The following OSBP2 variants were observed in gnomAD, a reference collection of about 807,000 sequenced individuals.
The protein encoded by OSBP2 is oxysterol binding protein 2.
In OSBP2, 66 loss-of-function variants were observed where a neutral mutation model predicts 96.0. The observed-to-expected ratio is 0.69, with a 90% confidence interval of 0.56 to 0.84. OSBP2 has a LOEUF of 0.84. Ranked by LOEUF, OSBP2 falls within the 40% of genes least tolerant of loss-of-function variation. The pLI is 0.00. For synonymous variants in OSBP2, 525 were observed against 520.9 expected (o/e 1.01, Z -0.11); for missense variants, 1,038 against 1,222.7 (o/e 0.85, Z 2.25).
At chr22:30,775,772 G>T (rs1286989966) in intron 2 of OSBP2, among the ~76,000 whole-genome samples, 2 of 151,798 alleles carry the variant, frequency 1.3e-5, no homozygotes. Context: ...TATATTTATG[G>T]GTACATAAGA....
chr22:30,825,515 A>G (rs781321048), intron 2 of OSBP2, among the ~76,000 whole-genome samples: 2 of 152,122 alleles, frequency 1.3e-5, no homozygotes, highest in Non-Finnish European at 2.9e-5. Context: ...TCAAACAGAG[A>G]CTGGTGGGCA....
Position 30,887,635 on chromosome 22 carries a change from G to A in OSBP2, c.1300+17G>A. 1 of 1,566,980 alleles carries A rather than the reference G, an allele frequency of 6.4e-7. No individual in the cohort carries two copies. The highest frequency in any genetic ancestry group is 8.6e-7 in the Non-Finnish European group (1 of 1,157,582). On this transcript the variant is annotated intron_variant, in intron 4 of 13. Coordinates refer to ENST00000332585, the MANE Select transcript of OSBP2 (RefSeq NM_030758.4). ...TCATTGAGGGTGAGTGGGCAGCCAG[G>A]GCAGGGCTGTCCCATGACCTTCTGC...
chr22:30,830,130 A>G (rs745419239), intron 2 of OSBP2, among the ~76,000 whole-genome samples: 1 of 152,230 alleles, frequency 6.6e-6, no homozygotes, highest in Non-Finnish European at 1.5e-5. Flanking sequence ...TTCTCCTGGC[A>G]TCTGGTTTTC....
At position 30,769,099 on chromosome 22, in the gene OSBP2, C is replaced by T. The variant is rs139289409; in HGVS notation, c.853+27730C>T. Among the ~76,000 whole-genome samples, 733 of 152,302 alleles carry T rather than the reference C, an allele frequency of 4.8e-3. 8 individuals carry two copies. Among genetic ancestry groups the T allele is most frequent in the African/African-American group, 0.017 (707 of 41,570 alleles). On this transcript the variant is annotated intron_variant, in intron 2 of 13. Transcript: ENST00000332585. The stretch of plus-strand genomic sequence containing the variant: ...GGTTGAGGCTGAGTATTCTGGGCTA[C>T]GGAACTAGAAAGCTGGGCTCTGAGG...
chr22:30,779,609 C>T (rs1332499900), intron 2 of OSBP2, among the ~76,000 whole-genome samples: 1 of 152,142 alleles, frequency 6.6e-6, no homozygotes. Flanking sequence ...CCTCCCTTCC[C>T]TTCCTGGATA....
chr22:30,770,717 T>G (rs966025396), intron 2 of OSBP2: 6 of 152,528 alleles, frequency 3.9e-5, no homozygotes, highest in Admixed American at 2.6e-4. Context: ...CACCCCCATT[T>G]CTGGTTCTCT....
At chr22:30,697,830 G>A (rs1358186264) in intron 1 of OSBP2, among the ~76,000 whole-genome samples, 1 of 152,146 alleles carries the variant, frequency 6.6e-6, no homozygotes, top group African/African-American at 2.4e-5. Context: ...ACGATCCTGT[G>A]CCCTCATTGC....
intron 3 of OSBP2, among the ~76,000 whole-genome samples, chr22:30,885,917 T>C (rs2039800140): frequency 6.6e-6 from 1 of 152,190 alleles, no homozygotes; most frequent in Non-Finnish European, 1.5e-5. Flanking sequence ...GGGCGGGCTC[T>C]GAGAAGGCCA....
At chr22:30,821,763 C>T (rs2038278184) in intron 2 of OSBP2, among the ~76,000 whole-genome samples, 1 of 152,148 alleles carries the variant, frequency 6.6e-6, no homozygotes, top group African/African-American at 2.4e-5. Context: ...ATCTGAAACT[C>T]TGGGGAAAAC....
chr22:30,879,258 G>A (rs966261352), intron 3 of OSBP2, among the ~76,000 whole-genome samples: 1 of 152,256 alleles, frequency 6.6e-6, no homozygotes, highest in Admixed American at 6.5e-5. Context: ...TGCTCTGACA[G>A]CTTGCTCATC....
At chr22:30,725,175 C>CAAAAAAAA (rs373104187) in intron 1 of OSBP2, among the ~76,000 whole-genome samples, 2 of 120,932 alleles carry the variant, frequency 1.7e-5, no homozygotes, top group East Asian at 5.5e-4. Flanking sequence ...GACTCTGTCT[C>CAAAAAAAA]AAAAACAAAA....
At chr22:30,765,576 G>A (rs1407562983) in intron 2 of OSBP2, among the ~76,000 whole-genome samples, 1 of 152,164 alleles carries the variant, frequency 6.6e-6, no homozygotes, top group Non-Finnish European at 1.5e-5. Context: ...CTCACTTTGA[G>A]AAGCACAGTC....
chr22:30,847,641 G>A (rs2038897087), intron 2 of OSBP2, among the ~76,000 whole-genome samples: 1 of 152,104 alleles, frequency 6.6e-6, no homozygotes, highest in East Asian at 1.9e-4. Flanking sequence ...GTTTTCTGTT[G>A]TAAGATTTTA....
chr22:30,893,953 T>G lies in OSBP2; in HGVS notation c.2327T>G (p.Val776Gly), dbSNP rs1283001850. The change falls in exon 12 of 14, where the codon GTG becomes GGG. Residue 776 changes from valine to glycine, a missense_variant. Physicochemically the swap from Val to Gly is moderately radical, Grantham distance 109. This residue lies in a region of OSBP2 where 737 missense variants were observed against 913.3 expected (regional missense o/e 0.81). Transcript: ENST00000332585. Reference sequence around the variant, plus strand: ...AGCTCTGACGGGAAGCAGAAGACAGTGTACCAGACCCTGTCAGCCAAGCTG... The same window carrying G: ...AGCTCTGACGGGAAGCAGAAGACAGGGTACCAGACCCTGTCAGCCAAGCTG... ...SPSSDGKQKT[V>G]YQTLSAKLLW... 1.2e-6 allele frequency: 2 copies of G among 1,600,084 alleles called. No homozygotes were observed. The highest frequency in any genetic ancestry group is 2.7e-5 in the African/African-American group (2 of 74,806).
At chr22:30,823,933 A>G (rs1345866644) in intron 2 of OSBP2, among the ~76,000 whole-genome samples, 2 of 152,270 alleles carry the variant, frequency 1.3e-5, no homozygotes, top group Admixed American at 6.5e-5. Context: ...ATCGGTTTGG[A>G]TGGATTTATT....
At chr22:30,830,428 G>T (rs2038496974) in intron 2 of OSBP2, among the ~76,000 whole-genome samples, 1 of 152,238 alleles carries the variant, frequency 6.6e-6, no homozygotes, top group African/African-American at 2.4e-5. Flanking sequence ...ACCTGGCATG[G>T]CCATCAGCCT....
chr22:30,828,683 C>T (rs1239326073), intron 2 of OSBP2, among the ~76,000 whole-genome samples: 2 of 152,114 alleles, frequency 1.3e-5, no homozygotes, highest in African/African-American at 4.8e-5. Flanking sequence ...AGCAGCATGT[C>T]GGAGGTGCCA....
chr22:30,763,787 C>T (rs944766566), intron 2 of OSBP2, among the ~76,000 whole-genome samples: 1 of 152,134 alleles, frequency 6.6e-6, no homozygotes, highest in African/African-American at 2.4e-5. Flanking sequence ...TCAAATGTAA[C>T]TGGGCATCCT....
intron 2 of OSBP2, among the ~76,000 whole-genome samples, chr22:30,783,380 A>G (rs955292355): frequency 1.6e-4 from 19 of 115,338 alleles, no homozygotes; most frequent in African/African-American, 5.5e-4. Flanking sequence ...CAGTGGTGTG[A>G]TTGCAGCTCA....
Sources: gnomAD v4.1 joint callset for allele counts (sites outside exome capture counted in the v4.1 genomes callset) on GRCh38, gnomAD v4.1.1 for gene constraint, gnomAD v4.1.1 regional missense constraint, MANE v1.5 for transcripts, NCBI Gene and HGNC (gene_info 2026-07-23, HGNC 2026-07-21) for gene names.